The following MMGT1 variants were observed in gnomAD, a reference collection of about 807,000 sequenced individuals.
The protein encoded by MMGT1 is ER membrane protein complex subunit 5.
MMGT1 carries 2 observed loss-of-function variants against 11.7 expected under a neutral mutation model. That is an observed-to-expected ratio of 0.17 (90% confidence interval 0.07 to 0.54). MMGT1 has a LOEUF of 0.54. Among genes scored for constraint, MMGT1 ranks in the 20% least tolerant of loss-of-function variants. The pLI is 0.94. For missense variants in MMGT1, 74 were observed against 109.0 expected, an observed-to-expected ratio of 0.68 and a Z score of 1.43; for synonymous variants, 49 against 44.4, an observed-to-expected ratio of 1.10 and a Z score of -0.41.
At chrX:135,972,696 C>T (rs1556612680) in intron 1 of MMGT1, among the ~76,000 whole-genome samples, 2 of 111,967 alleles carry the variant, frequency 1.8e-5, no homozygotes, top group African/African-American at 6.5e-5. Context: ...CAGTGTTTCT[C>T]AAACTAATGC....
At chrX:135,965,529 G>A (rs2148117500) in intron 3 of MMGT1, among the ~76,000 whole-genome samples, 1 of 111,315 alleles carries the variant, frequency 9.0e-6, no homozygotes, top group Admixed American at 9.6e-5. Flanking sequence ...AGCCCCCCAA[G>A]TGCTGGCACT....
intron 1 of MMGT1, among the ~76,000 whole-genome samples, chrX:135,971,981 C>A (rs2089222441): frequency 9.0e-6 from 1 of 111,697 alleles, no homozygotes; most frequent in Non-Finnish European, 1.9e-5. Flanking sequence ...TTTTTCATTA[C>A]CTGAATTTCC....
At chrX:135,971,036 G>C in intron 2 of MMGT1, 22 bp downstream of exon 2, 1 of 1,087,592 alleles carries the variant, frequency 9.2e-7, no homozygotes, top group Admixed American at 2.2e-5. Flanking sequence ...TACATGTAAC[G>C]GAATATAAAT....
intron 3 of MMGT1, 150 bp from the exon 4 acceptor site, chrX:135,965,333 T>C: frequency 2.4e-6 from 1 of 412,198 alleles, no homozygotes. Flanking sequence ...ATAATAATTA[T>C]ACTGTATCTC....
chrX:135,961,759 G>T lies in MMGT1; in HGVS notation c.*3265C>A, dbSNP rs972370919. 9.0e-6 allele frequency among the ~76,000 whole-genome samples: 1 copy of T among 111,547 alleles called. No homozygotes were observed. Among genetic ancestry groups the T allele is most frequent in the Non-Finnish European group, 1.9e-5 (1 of 53,096 alleles). On this transcript the variant is annotated 3_prime_UTR_variant, in exon 4 of 4. Coordinates refer to ENST00000305963, the MANE Select transcript of MMGT1 (RefSeq NM_173470.3). Reference sequence around the variant, plus strand: ...GTATAAAGTGACACTTTCAATGGGAGTTTGGCTTTATAACAAATTTGTGAT... The same window carrying T: ...GTATAAAGTGACACTTTCAATGGGATTTTGGCTTTATAACAAATTTGTGAT...
chrX:135,967,635 T>C (rs1556612117), intron 2 of MMGT1, 142 bp from the exon 3 acceptor site: 3 of 400,478 alleles, frequency 7.5e-6, no homozygotes, highest in Non-Finnish European at 8.7e-6. Flanking sequence ...TTGAAATGAC[T>C]GGGATTCAGA....
At chrX:135,967,838 T>G (rs1486461121) in intron 2 of MMGT1, among the ~76,000 whole-genome samples, 1 of 111,645 alleles carries the variant, frequency 9.0e-6, no homozygotes, top group African/African-American at 3.3e-5. Context: ...TTTTGTTTTT[T>G]TTTTGTTGTT....
chrX:135,966,740 T>G (rs1448417800), intron 3 of MMGT1, among the ~76,000 whole-genome samples: 3 of 111,885 alleles, frequency 2.7e-5, no homozygotes, highest in African/African-American at 9.8e-5. Flanking sequence ...AGAAGGTGGG[T>G]AAAGTCCAGA....
rs1452240143 is a variant in MMGT1, at chrX:135,973,588, G to A, written c.79+9C>T. On this transcript the variant is annotated intron_variant, in intron 1 of 3. Coordinates refer to ENST00000305963, the MANE Select transcript of MMGT1 (RefSeq NM_173470.3). ...ACACCGAAGCGGTCCCCGTGCCCCA[G>A]GCACTTACGCTGCGCAGCGGAAAAG... 52 of 1,160,377 alleles carry A rather than the reference G, an allele frequency of 4.5e-5. No homozygotes were observed. The East Asian group carries it at 1.7e-3, about 38-fold the overall frequency.
intron 3 of MMGT1, 105 bp downstream of exon 3, chrX:135,967,285 A>G: frequency 1.9e-6 from 1 of 521,121 alleles, no homozygotes; most frequent in Non-Finnish European, 3.3e-6. Flanking sequence ...ATCAAAATGC[A>G]GAAACAAAAC....
rs2089164864 is a variant in MMGT1 at position 135,963,121 on chromosome X, C to T, written c.*1903G>A. ...GAAATAGATTAGTGGTTGCCAGGGGCTCGGGGATGGGGTGGGCACTGGGAG... is the reference window on the plus strand; with the variant it reads ...GAAATAGATTAGTGGTTGCCAGGGGTTCGGGGATGGGGTGGGCACTGGGAG... On this transcript the variant is annotated 3_prime_UTR_variant, in exon 4 of 4. Coordinates refer to ENST00000305963, the MANE Select transcript of MMGT1 (RefSeq NM_173470.3). 1 of 110,316 alleles carries T rather than the reference C, an allele frequency of 9.1e-6. No homozygotes were observed. Among genetic ancestry groups the T allele is most frequent in the South Asian group, 3.9e-4 (1 of 2,574 alleles). 9.1% of individuals were successfully genotyped at this position (110,316 alleles called of 1,213,427 possible).
chrX:135,962,053 CA>C lies in MMGT1; in HGVS notation c.*2970del, dbSNP rs2089158607. ...ATTAAAAGTCCAAAAAAAAAAAGCC[CA>C]AAAAACACTACCAAAAACAGGGTGA... is the stretch of plus-strand genomic sequence containing the variant. On this transcript the variant is annotated 3_prime_UTR_variant, in exon 4 of 4. Coordinates refer to ENST00000305963, the MANE Select transcript of MMGT1 (RefSeq NM_173470.3). 9.2e-6 allele frequency: 1 copy of C among 109,097 alleles called. No individual in the cohort carries two copies. The highest frequency in any genetic ancestry group is 3.3e-5 in the African/African-American group (1 of 30,044). The allele number at this position is 109,097 out of a possible 1,213,427, so 9.0% of individuals were successfully genotyped here.
chrX:135,967,831 TG>T, intron 2 of MMGT1, among the ~76,000 whole-genome samples: 1 of 111,649 alleles, frequency 9.0e-6, no homozygotes. Context: ...TTATTGTTTT[TG>T]TTTTTTTTTT....
rs945687786 is a variant in MMGT1, at chrX:135,961,904, G to A, written c.*3120C>T. 9.0e-6 allele frequency among the ~76,000 whole-genome samples: 1 copy of A among 111,164 alleles called. No individual in the cohort carries two copies. The highest frequency in any genetic ancestry group is 1.9e-5 in the Non-Finnish European group (1 of 53,062). ...TGACTATTAAAAACATAAAACTGCA[G>A]TAAGATTTTACATGTACAATTAAAT... is the stretch of plus-strand genomic sequence containing the variant. On this transcript the variant is annotated 3_prime_UTR_variant, in exon 4 of 4. Transcript: ENST00000305963.
intron 2 of MMGT1, among the ~76,000 whole-genome samples, chrX:135,969,357 G>A (rs2089205155): frequency 9.0e-6 from 1 of 111,510 alleles, no homozygotes; most frequent in Non-Finnish European, 1.9e-5. Context: ...TTTTGAGATG[G>A]AGTCTCGCTC....
In MMGT1 at chrX:135,964,298, G is replaced by T. The variant is rs781864731; in HGVS notation, c.*726C>A. ...TATTCTTACACTATATAATCAATTA[G>T]GGAAATTTTTACAGACAAATGAAGA... On this transcript the variant is annotated 3_prime_UTR_variant, in exon 4 of 4. Transcript: ENST00000305963. 3.0e-3 allele frequency: 342 copies of T among 112,882 alleles called. 1 individual carries two copies. The highest frequency in any genetic ancestry group is 0.01 in the African/African-American group (324 of 31,107). The allele number at this position is 112,882 out of a possible 1,213,427, so 9.3% of individuals were successfully genotyped here.
At chrX:135,966,286 T>G (rs916138671) in intron 3 of MMGT1, among the ~76,000 whole-genome samples, 3 of 112,318 alleles carry the variant, frequency 2.7e-5, no homozygotes, top group Non-Finnish European at 5.6e-5. Flanking sequence ...AGGCCTGATA[T>G]GTAACTCCTT....
intron 2 of MMGT1, among the ~76,000 whole-genome samples, chrX:135,968,509 G>GTGTT (rs2089199261): frequency 9.8e-6 from 1 of 101,610 alleles, no homozygotes; most frequent in African/African-American, 3.8e-5. Context: ...TTGTGTGTGT[G>GTGTT]TGTGTGTGTG....
chrX:135,971,992 A>G (rs1556612638), intron 1 of MMGT1, among the ~76,000 whole-genome samples: 1 of 112,244 alleles, frequency 8.9e-6, no homozygotes, highest in African/African-American at 3.2e-5. Flanking sequence ...CTGAATTTCC[A>G]CAACAGTAAA....
Sources: gnomAD v4.1 joint callset for allele counts (sites outside exome capture counted in the v4.1 genomes callset) on GRCh38, gnomAD v4.1.1 for gene constraint, MANE v1.5 for transcripts, NCBI Gene and HGNC (gene_info 2026-07-23, HGNC 2026-07-21) for gene names.